PABIR3: variants seen among roughly 807,000 people sequenced by gnomAD.
The protein encoded by PABIR3 is PABIR family member 3, also known as PABIR family member 1.
Under a neutral mutation model 23.1 loss-of-function variants are expected in PABIR3, and 20 were observed. The observed-to-expected ratio is 0.86, with a 90% CI of 0.61 to 1.26. The LOEUF (loss-of-function observed/expected upper bound fraction) is 1.26, where lower values mean the gene tolerates loss of function less well. Among genes scored for constraint, PABIR3 ranks in the 50% most tolerant of loss-of-function variants. The pLI is 0.00. For synonymous variants in PABIR3, 69 were observed against 68.5 expected (o/e 1.01, Z -0.04); for missense variants, 189 against 195.4 (o/e 0.97, Z 0.20).
intron 1 of PABIR3, among the ~76,000 whole-genome samples, chrX:134,797,729 T>A (rs1283627336): frequency 1.8e-5 from 2 of 110,599 alleles, no homozygotes; most frequent in Admixed American, 9.6e-5. Context: ...GAAGAACGGG[T>A]AGCAAGCAGA....
intron 3 of PABIR3, among the ~76,000 whole-genome samples, chrX:134,816,634 T>G (rs1369154109): frequency 9.0e-6 from 1 of 111,682 alleles, no homozygotes; most frequent in African/African-American, 3.3e-5. Context: ...GTGTTGATTC[T>G]TTAAATGTTT....
intron 3 of PABIR3, among the ~76,000 whole-genome samples, chrX:134,825,824 G>A (rs1006287630): frequency 9.7e-6 from 1 of 103,527 alleles, no homozygotes; most frequent in Non-Finnish European, 1.9e-5. Flanking sequence ...TACCACGCCC[G>A]GATCTTTTTT....
At chrX:134,860,673 A>G in the PABIR3 span, among the ~76,000 whole-genome samples, 2 of 111,702 alleles carry the variant, frequency 1.8e-5, no homozygotes, top group South Asian at 3.7e-4. Flanking sequence ...GAAAAAATCA[A>G]TTATGAAAAA....
intron 4 of PABIR3, among the ~76,000 whole-genome samples, chrX:134,844,615 C>T (rs1396844102): frequency 8.9e-6 from 1 of 112,063 alleles, no homozygotes; most frequent in Non-Finnish European, 1.9e-5. Context: ...TTGATAACCA[C>T]TGTTAAGTTT....
chrX:134,804,177 C>G, upstream of PABIR3: 1 of 1,140,987 alleles, frequency 8.8e-7, no homozygotes, highest in Non-Finnish European at 1.2e-6. Context: ...CTAGATCTAA[C>G]AAAAGCAGTG....
intron 2 of PABIR3, among the ~76,000 whole-genome samples, chrX:134,813,691 G>A (rs2080803529): frequency 9.0e-6 from 1 of 111,673 alleles, no homozygotes; most frequent in African/African-American, 3.3e-5. Flanking sequence ...TTGAGAGGCT[G>A]AGGCAGGAGC....
At chrX:134,813,785 C>A (rs1347375676) in intron 2 of PABIR3, among the ~76,000 whole-genome samples, 4 of 110,547 alleles carry the variant, frequency 3.6e-5, no homozygotes, top group African/African-American at 1.3e-4. Context: ...ATGATGATTT[C>A]TTCAGGATTA....
chrX:134,803,710 G>T (rs369392193), upstream of PABIR3, among the ~76,000 whole-genome samples: 7 of 111,476 alleles, frequency 6.3e-5, no homozygotes, highest in East Asian at 8.4e-4. Context: ...AACCCTTAAG[G>T]CCAGCCCCAC....
chrX:134,829,742 CTG>C (rs1206631870), intron 4 of PABIR3, among the ~76,000 whole-genome samples: 1 of 111,006 alleles, frequency 9.0e-6, no homozygotes, highest in Non-Finnish European at 1.9e-5. Context: ...ATGCACGTCT[CTG>C]TGTTTGTGTG....
chrX:134,852,130 AT>A (rs2082656492), intron 9 of PABIR3, among the ~76,000 whole-genome samples: 1 of 112,294 alleles, frequency 8.9e-6, no homozygotes, highest in African/African-American at 3.2e-5. Flanking sequence ...AAGTTTTAAA[AT>A]AAGGAATGAC....
chrX:134,800,663 G>A lies in PABIR3; in HGVS notation c.-97-3438G>A, dbSNP rs112924733. ...AACTTAGCAGGGCGTGGTGGTGCTC[G>A]TCTGTAGTCCCAGCTACTCAGGAGG... On this transcript the variant is annotated intron_variant, in intron 1 of 4. Coordinates refer to the PABIR3 transcript ENST00000414371. 1.3e-4 allele frequency among the ~76,000 whole-genome samples: 14 copies of A among 108,915 alleles called. No individual in the cohort carries two copies. The South Asian group carries it at 5.5e-3, about 43-fold the overall frequency. The allele number at this position is 108,915 out of a possible 115,157, so 94.6% of individuals were successfully genotyped here.
chrX:134,824,355 T>C (rs2081416851), intron 3 of PABIR3, among the ~76,000 whole-genome samples: 1 of 112,054 alleles, frequency 8.9e-6, no homozygotes, highest in Non-Finnish European at 1.9e-5. Context: ...CTGCTTATTA[T>C]TATGGTACGT....
chrX:134,843,618 A>G (rs181278972), intron 4 of PABIR3, among the ~76,000 whole-genome samples: 265 of 87,856 alleles, frequency 3.0e-3, no homozygotes, highest in Non-Finnish European at 4.6e-3. Context: ...CCCAGGCTAA[A>G]GTGCAGTGGC....
At chrX:134,849,572 G>A (rs2082552078) in intron 9 of PABIR3, among the ~76,000 whole-genome samples, 1 of 111,334 alleles carries the variant, frequency 9.0e-6, no homozygotes, top group Admixed American at 9.7e-5. Flanking sequence ...CAAGTATTTT[G>A]CTGAATGTCA....
At chrX:134,827,219 C>T (rs2081544481) in intron 3 of PABIR3, among the ~76,000 whole-genome samples, 1 of 111,259 alleles carries the variant, frequency 9.0e-6, no homozygotes, top group Admixed American at 9.6e-5. Flanking sequence ...CCTCCGCCTC[C>T]CCCTCCCGAA....
At chrX:134,850,128 G>C (rs1172254102) in intron 9 of PABIR3, among the ~76,000 whole-genome samples, 1 of 109,068 alleles carries the variant, frequency 9.2e-6, no homozygotes, top group Non-Finnish European at 1.9e-5. Flanking sequence ...ACCCACCTCG[G>C]CCTCCCAAAG....
upstream of PABIR3, among the ~76,000 whole-genome samples, chrX:134,803,351 ACTTAT>A (rs2080113566): frequency 8.9e-6 from 1 of 111,867 alleles, no homozygotes; most frequent in African/African-American, 3.3e-5. Flanking sequence ...ATTGTTTCTT[ACTTAT>A]CTTATCAGGA....
At chrX:134,851,964 C>A (rs895037062) in intron 9 of PABIR3, among the ~76,000 whole-genome samples, 4 of 111,853 alleles carry the variant, frequency 3.6e-5, no homozygotes, top group Admixed American at 1.9e-4. Flanking sequence ...TACTTCAAGG[C>A]AAAGATTACA....
intron 10 of PABIR3, among the ~76,000 whole-genome samples, chrX:134,853,765 G>A (rs548580761): frequency 1.5e-4 from 17 of 110,780 alleles, no homozygotes; most frequent in African/African-American, 4.9e-4. Context: ...GACTACAGGC[G>A]TGTGCCACCA....
Sources: allele counts gnomAD v4.1 joint callset (sites outside exome capture counted in the v4.1 genomes callset), GRCh38; gene constraint gnomAD v4.1.1; transcripts MANE v1.5; gene names NCBI Gene and HGNC (gene_info 2026-07-23, HGNC 2026-07-21).